SERF2: variants seen among roughly 807,000 people sequenced by gnomAD.
The protein encoded by SERF2 is small EDRK-rich factor 2, also known as gastric cancer-related protein VRG107.
A neutral mutation model predicts 10.7 loss-of-function variants in SERF2; 4 were observed. The observed-to-expected ratio is 0.37, with a 90% CI of 0.18 to 0.86. The LOEUF (loss-of-function observed/expected upper bound fraction) is 0.86. Among genes scored for constraint, SERF2 ranks in the 40% least tolerant of loss-of-function variants. The probability of loss-of-function intolerance (pLI) is 0.43; values close to 1 mark genes in which losing one functional copy is unlikely to be tolerated. For synonymous variants in SERF2, 26 were observed against 26.0 expected (o/e 1.00, Z 0.01); for missense variants, 47 against 79.1 (o/e 0.59, Z 1.54).
chr15:43,783,222 G>A (rs973398841), intron 1 of SERF2, among the ~76,000 whole-genome samples: 1 of 151,990 alleles, frequency 6.6e-6, no homozygotes, highest in African/African-American at 2.4e-5. Context: ...TGGTCAGGAT[G>A]GTCTCAATCT....
chr15:43,781,592 CTTTT>C (rs565641402), intron 1 of SERF2, among the ~76,000 whole-genome samples: 5 of 134,570 alleles, frequency 3.7e-5, no homozygotes, highest in Admixed American at 7.5e-5. Context: ...TGCATTTTTC[CTTTT>C]TTTTTTTTTT....
At chr15:43,791,530 C>A (rs1232932977), upstream of SERF2, among the ~76,000 whole-genome samples, 1 of 152,226 alleles carries the variant, frequency 6.6e-6, no homozygotes, top group Non-Finnish European at 1.5e-5. Flanking sequence ...CCACCACGCC[C>A]GGCCCTCCAG....
Position 43,793,696 on chromosome 15 carries a change from A to G in SERF2, c.117-14A>G. ...CTCTGGTACCTCCCAGTGCCCCATC[A>G]TCTCTACCCCCAGGGACTCGGAGAT... On this transcript the variant is annotated splice_polypyrimidine_tract_variant and intron_variant, in intron 2 of 2. Transcript: ENST00000249786. 1 of 1,613,988 alleles carries G rather than the reference A, an allele frequency of 6.2e-7. No individual in the cohort carries two copies. Among genetic ancestry groups the G allele is most frequent in the Non-Finnish European group, 8.5e-7 (1 of 1,179,956 alleles).
intron 1 of SERF2, among the ~76,000 whole-genome samples, chr15:43,781,108 T>C (rs990307114): frequency 6.6e-6 from 1 of 152,204 alleles, no homozygotes; most frequent in Non-Finnish European, 1.5e-5. Flanking sequence ...TGATACGCTC[T>C]GATAACTGAG....
At chr15:43,784,333 T>C (rs1405651949) in intron 1 of SERF2, among the ~76,000 whole-genome samples, 2 of 152,212 alleles carry the variant, frequency 1.3e-5, no homozygotes, top group African/African-American at 4.8e-5. Context: ...TGAACTATTT[T>C]TTATCTCAGA....
At chr15:43,777,114 A>G in exon 1 of SERF2, 1 of 770,666 alleles carries the variant, frequency 1.3e-6, no homozygotes, top group Non-Finnish European at 2.3e-6. Flanking sequence ...AACCGCCCGG[A>G]CCTCGGCGCT....
At chr15:43,793,198 G>T in intron 2 of SERF2, 115 bp downstream of exon 2, 1 of 664,318 alleles carries the variant, frequency 1.5e-6, no homozygotes, top group Non-Finnish European at 2.7e-6. Flanking sequence ...GAGGAGCAGA[G>T]TGCATTGCTT....
chr15:43,792,922 C>G (rs959048913), intron 1 of SERF2, 53 bp from the exon 2 acceptor site: 21 of 1,299,446 alleles, frequency 1.6e-5, no homozygotes, highest in Non-Finnish European at 1.2e-5. Flanking sequence ...GAAGGGTCGC[C>G]GGTGTGTGGG....
In SERF2 at chr15:43,795,957, TCA is replaced by T; in HGVS notation, c.*2187_*2188del. The T allele has an allele frequency of 1.6e-6, 1 of 641,720 alleles. No homozygotes were observed. Among genetic ancestry groups the T allele is most frequent in the East Asian group, 2.7e-5 (1 of 36,710 alleles). 39.8% of individuals were successfully genotyped at this position (641,720 alleles called of 1,614,324 possible). A position where few individuals can be genotyped will look rare whatever the true frequency, so the allele number is the denominator to read the frequency against. On this transcript the variant is annotated 3_prime_UTR_variant, in exon 3 of 3. Transcript: ENST00000249786. ...TTGTAAAATGGAGCAAATACCTACC[TCA>T]CAGGGTTGTTGTGAGGGTTAAATTA...
intron 1 of SERF2, among the ~76,000 whole-genome samples, chr15:43,778,510 G>C (rs1294637983): frequency 7.6e-6 from 1 of 131,098 alleles, no homozygotes; most frequent in Non-Finnish European, 1.6e-5. Flanking sequence ...CTGAACTTCA[G>C]CCTGAGCAAC....
At chr15:43,777,173 C>G in exon 1 of SERF2, 1 of 637,632 alleles carries the variant, frequency 1.6e-6, no homozygotes, top group Non-Finnish European at 3.0e-6. Context: ...AAGAGCTATC[C>G]CCAGTTCTCG....
rs2141689789 is a variant in SERF2, at chr15:43,795,938, A to G, written c.*2165A>G. 3.1e-6 allele frequency: 2 copies of G among 642,614 alleles called. No homozygotes were observed. Among genetic ancestry groups the G allele is most frequent in the Middle Eastern group, 2.7e-4 (1 of 3,702 alleles). 39.8% of individuals were successfully genotyped at this position (642,614 alleles called of 1,614,324 possible). On this transcript the variant is annotated 3_prime_UTR_variant, in exon 3 of 3. Coordinates refer to ENST00000249786, the MANE Select transcript of SERF2 (RefSeq NM_001018108.4). Reference sequence around the variant, plus strand: ...TGTGCCTCGATTTCTCCATTTGTAAAATGGAGCAAATACCTACCTCACAGG... The same window carrying G: ...TGTGCCTCGATTTCTCCATTTGTAAGATGGAGCAAATACCTACCTCACAGG...
chr15:43,792,942 C>A (rs747303084), intron 1 of SERF2, 33 bp from the exon 2 acceptor site: 2 of 1,490,082 alleles, frequency 1.3e-6, no homozygotes, highest in Admixed American at 3.8e-5. Context: ...GCAGAGCGGC[C>A]CCCGCGTCTC....
chr15:43,784,897 C>T (rs193038349), intron 1 of SERF2, among the ~76,000 whole-genome samples: 7 of 151,604 alleles, frequency 4.6e-5, no homozygotes, highest in Admixed American at 2.6e-4. Context: ...GGACTATAGG[C>T]GCGCACCATC....
chr15:43,779,864 C>A (rs2086951134), intron 1 of SERF2, among the ~76,000 whole-genome samples: 1 of 152,126 alleles, frequency 6.6e-6, no homozygotes, highest in Admixed American at 6.5e-5. Context: ...ATGTAGGCAA[C>A]AAATCACTGG....
intron 1 of SERF2, chr15:43,792,678 C>A (rs961584150): frequency 1.8e-5 from 23 of 1,266,474 alleles, no homozygotes; most frequent in Non-Finnish European, 2.2e-5. Flanking sequence ...GCCCATCCCC[C>A]ACGGAGACCC....
chr15:43,793,226 C>T (rs1022631636), intron 2 of SERF2, 143 bp downstream of exon 2: 6 of 606,014 alleles, frequency 9.9e-6, no homozygotes, highest in Middle Eastern at 3.0e-4. Flanking sequence ...GGTTTTATTT[C>T]CTCCCCACCC....
At chr15:43,777,180 C>A (rs1308862893) in exon 1 of SERF2, 2 of 622,810 alleles carry the variant, frequency 3.2e-6, no homozygotes, top group Non-Finnish European at 6.1e-6. Context: ...ATCCCCAGTT[C>A]TCGGGAGAAA....
chr15:43,793,680 C>T (rs757357108), intron 2 of SERF2, 30 bp from the exon 3 acceptor site: 12 of 1,614,028 alleles, frequency 7.4e-6, no homozygotes, highest in African/African-American at 1.3e-5. Context: ...CCTCTGGTAC[C>T]TCCCAGTGCC....
Sources: gnomAD v4.1 joint callset for allele counts (sites outside exome capture counted in the v4.1 genomes callset) on GRCh38, gnomAD v4.1.1 for gene constraint, MANE v1.5 for transcripts, NCBI Gene and HGNC (gene_info 2026-07-23, HGNC 2026-07-21) for gene names.